Variants in TRPV5 observed in about 807,000 individuals in gnomAD.
TRPV5 encodes calcium transport protein 2.
A neutral mutation model predicts 74.1 loss-of-function variants in TRPV5; 66 were observed. The observed-to-expected ratio is 0.89, with a 90% CI of 0.73 to 1.09. TRPV5 has a LOEUF of 1.09. TRPV5 is among the 50% of genes least tolerant of loss of function. The pLI is 0.00. For missense variants in TRPV5, 936 were observed against 930.4 expected (o/e 1.01, Z -0.08); for synonymous variants, 399 against 360.7 (o/e 1.11, Z -1.20).
intron 8 of TRPV5, among the ~76,000 whole-genome samples, chr7:142,923,637 T>A (rs1795920105): frequency 6.6e-6 from 1 of 150,990 alleles, no homozygotes; most frequent in Non-Finnish European, 1.5e-5. Flanking sequence ...GCAGAAAGGG[T>A]AAAAATGCCA....
intron 11 of TRPV5, 65 bp from the exon 12 acceptor site, chr7:142,914,771 G>A (rs1300191272): frequency 1.0e-5 from 16 of 1,606,874 alleles, no homozygotes; most frequent in African/African-American, 5.4e-5. Flanking sequence ...AGCAGCTAAC[G>A]CTAACAGATC....
At chr7:142,933,226 AC>A in intron 1 of TRPV5, 105 bp downstream of exon 1, 1 of 1,427,822 alleles carries the variant, frequency 7.0e-7, no homozygotes, top group Non-Finnish European at 9.5e-7. Context: ...AGTGACTGGC[AC>A]TGACAATACA....
At chr7:142,912,841 T>TATC in intron 12 of TRPV5, 91 bp from the exon 13 acceptor site, 3 of 760,784 alleles carry the variant, frequency 3.9e-6, no homozygotes, top group South Asian at 3.8e-5. Flanking sequence ...ATCTCTGATC[T>TATC]ATCTATCTAT....
chr7:142,915,323 G>GC lies in TRPV5; in HGVS notation c.1269dup (p.Pro424AlafsTer102), dbSNP rs1554528796. The GC allele has an allele frequency of 6.2e-7, 1 of 1,608,736 alleles. No homozygotes were observed. Among genetic ancestry groups the GC allele is most frequent in the Non-Finnish European group, 8.5e-7 (1 of 1,178,698 alleles). On this transcript the variant is annotated frameshift_variant, in exon 10 of 15. Coordinates refer to ENST00000265310, the MANE Select transcript of TRPV5 (RefSeq NM_019841.7). LOFTEE classifies it high-confidence loss of function. ...GATACTCACATGATGACATGGAATG[G>GC]CCCCCCAAGAATCGTCTTTCCAAAA... is the stretch of plus-strand genomic sequence containing the variant.
rs1203394387 is a variant in TRPV5, at chr7:142,928,710, C to T, written c.743G>A (p.Gly248Glu). ...HQGLTPFKLA[G>E]VEGNTVMFQH... ...TCTTACCACAGTGTTACCCTCCACT[C>T]CAGCCAGCTTGAAGGGGGTGAGACC... Residue 248 changes from glycine (G) to glutamate (E), a missense_variant, in exon 6 of 15, where the codon GGA becomes GAA. Coordinates refer to ENST00000265310, the MANE Select transcript of TRPV5 (RefSeq NM_019841.7). The T allele has an allele frequency of 2.5e-6, 4 of 1,613,910 alleles. No individual in the cohort carries two copies. Among genetic ancestry groups the T allele is most frequent in the Non-Finnish European group, 3.4e-6 (4 of 1,179,886 alleles).
intron 7 of TRPV5, among the ~76,000 whole-genome samples, 188 bp from the exon 8 acceptor site, chr7:142,925,929 T>C (rs1447507596): frequency 1.3e-5 from 2 of 152,204 alleles, no homozygotes; most frequent in Non-Finnish European, 1.5e-5. Context: ...TAAATGACTA[T>C]AGCAGTAAAC....
chr7:142,919,187 T>C (rs1362614803), intron 8 of TRPV5, among the ~76,000 whole-genome samples: 1 of 152,166 alleles, frequency 6.6e-6, no homozygotes, highest in Admixed American at 6.5e-5. Context: ...GGGGCTGCTG[T>C]GTATTGACAG....
chr7:142,930,290 T>G lies in TRPV5; in HGVS notation c.226+59A>C. 1.9e-6 allele frequency: 3 copies of G among 1,610,574 alleles called. No individual in the cohort carries two copies. The Admixed American group carries it at 5.0e-5, about 27-fold the overall frequency. ...GCCCTATTTCACAAACTCGAAGTCT[T>G]GGGGAGGAGGAGTAGGTTCTTCTGC... On this transcript the variant is annotated intron_variant, in intron 2 of 14. Coordinates refer to ENST00000265310, the MANE Select transcript of TRPV5 (RefSeq NM_019841.7).
rs370422551 is a variant in TRPV5, at chr7:142,915,425, G to A, written c.1210-42C>T. On this transcript the variant is annotated intron_variant, in intron 9 of 14. Coordinates refer to ENST00000265310, the MANE Select transcript of TRPV5 (RefSeq NM_019841.7). ...AAAGCAAAAATACAATGTGGACTGC[G>A]GTACAGTCTGGGCCTTAGATGGGAT... is the stretch of plus-strand genomic sequence containing the variant. 38 of 1,610,902 alleles carry A rather than the reference G, an allele frequency of 2.4e-5. No homozygotes were observed. The African/African-American group carries it at 2.8e-4, about 12-fold the overall frequency.
Position 142,914,891 on chromosome 7 carries a change from A to T in TRPV5, c.1442T>A (p.Met481Lys). The T allele has an allele frequency of 6.2e-7, 1 of 1,614,152 alleles. No individual in the cohort carries two copies. The highest frequency in any genetic ancestry group is 1.1e-5 in the South Asian group (1 of 91,074). Reference protein sequence around the residue: ...GFQMLGPFTIMIQKMIFGDLM... With the variant: ...GFQMLGPFTIKIQKMIFGDLM... ...CGGGAAAGCACTGACCTTCTGGATCATGATGGTGAAGGGACCCAGCATCTG... is the reference window on the plus strand; with the variant it reads ...CGGGAAAGCACTGACCTTCTGGATCTTGATGGTGAAGGGACCCAGCATCTG... The change falls in exon 11 of 15, where the codon ATG (methionine) becomes AAG (lysine). Residue 481 changes from methionine (M) to lysine (K), a missense_variant. Coordinates refer to ENST00000265310, the MANE Select transcript of TRPV5 (RefSeq NM_019841.7).
rs545798060 is a variant in TRPV5, at chr7:142,915,022, C to T, written c.1311G>A (p.Leu437=). Reference sequence around the variant, plus strand: ...TGGTGAGCCGCATCACCATGGTCACCAGCACCAGGGAGGCATAGGTGATGC... The same window carrying T: ...TGGTGAGCCGCATCACCATGGTCACTAGCACCAGGGAGGCATAGGTGATGC... ...VIIITYASLV[L]VTMVMRLTNT... The change falls in exon 11 of 15, where the codon CTG becomes CTA. Residue 437 remains leucine (L), a synonymous_variant. Coordinates refer to ENST00000265310, the MANE Select transcript of TRPV5 (RefSeq NM_019841.7). The T allele has an allele frequency of 2.5e-6, 4 of 1,614,060 alleles. No individual in the cohort carries two copies. Among genetic ancestry groups the T allele is most frequent in the Non-Finnish European group, 3.4e-6 (4 of 1,179,992 alleles).
intron 4 of TRPV5, 89 bp from the exon 5 acceptor site, chr7:142,929,209 C>T (rs1031380174): frequency 8.5e-6 from 13 of 1,528,786 alleles, no homozygotes; most frequent in African/African-American, 1.4e-5. Context: ...TCCTCCTCAT[C>T]CCCCATATCT....
In TRPV5 at chr7:142,908,249, C is replaced by T. The variant is rs890365357; in HGVS notation, c.*265G>A. ...CCTGACATTAATCTAGCATCCCTGC[C>T]TCATGTCTTTAGTTGCCAACCTCCT... On this transcript the variant is annotated 3_prime_UTR_variant, in exon 15 of 15. Transcript: ENST00000265310. The T allele has an allele frequency of 3.6e-6, 2 of 556,198 alleles. No individual in the cohort carries two copies. The highest frequency in any genetic ancestry group is 4.7e-5 in the South Asian group (2 of 42,214). The allele number at this position is 556,198 out of a possible 1,614,324, so 34.5% of individuals were successfully genotyped here. A position where few individuals can be genotyped will look rare whatever the true frequency, so the allele number is the denominator to read the frequency against.
In TRPV5 at chr7:142,933,390, C is replaced by G; in HGVS notation, c.70G>C (p.Val24Leu). 6.2e-7 allele frequency: 1 copy of G among 1,614,134 alleles called. No individual in the cohort carries two copies. The highest frequency in any genetic ancestry group is 8.5e-7 in the Non-Finnish European group (1 of 1,180,032). The part of the protein sequence containing the change: ...QLQKLLPSFL[V>L]REQDWDQHLD... ...TGCTGGTCCCAGTCTTGTTCTCTGA[C>G]CAGAAAGGAGGGCAGAAGTTTCTGG... The change falls in exon 1 of 15, where the codon GTC (valine) becomes CTC (leucine). Residue 24 changes from valine to leucine, a missense_variant. Coordinates refer to ENST00000265310, the MANE Select transcript of TRPV5 (RefSeq NM_019841.7).
Position 142,915,398 on chromosome 7 carries a change from G to T in TRPV5, c.1210-15C>A. 1 of 1,607,690 alleles carries T rather than the reference G, an allele frequency of 6.2e-7. No homozygotes were observed. The highest frequency in any genetic ancestry group is 8.5e-7 in the Non-Finnish European group (1 of 1,178,282). On this transcript the variant is annotated splice_polypyrimidine_tract_variant and intron_variant, in intron 9 of 14. Coordinates refer to ENST00000265310, the MANE Select transcript of TRPV5 (RefSeq NM_019841.7). ...ATGTCTGGAATCTGGGGAGAGGACGGCAAAGCAAAAATACAATGTGGACTG... is the reference window on the plus strand; with the variant it reads ...ATGTCTGGAATCTGGGGAGAGGACGTCAAAGCAAAAATACAATGTGGACTG...
chr7:142,917,893 CA>C (rs1296524649), intron 8 of TRPV5, among the ~76,000 whole-genome samples: 4 of 152,092 alleles, frequency 2.6e-5, no homozygotes, highest in Non-Finnish European at 5.9e-5. Context: ...CTCTGGAAAA[CA>C]AAAACAATAT....
chr7:142,915,377 C>A lies in TRPV5; in HGVS notation c.1216G>T (p.Asp406Tyr), dbSNP rs199958658. 12 of 1,607,480 alleles carry A rather than the reference C, an allele frequency of 7.5e-6. No individual in the cohort carries two copies. The highest frequency in any genetic ancestry group is 1.7e-4 in the Middle Eastern group (1 of 6,006). The change falls in exon 10 of 15, where the codon GAC becomes TAC. Residue 406 changes from aspartate to tyrosine, a missense_variant. By Grantham distance (160) the Asp-to-Tyr change is radical. Transcript: ENST00000265310. ...AVIILLLEIP[D>Y]IFRVGASRYF... Reference sequence around the variant, plus strand: ...CGAGAGGCACCAACCCTGAAGATGTCTGGAATCTGGGGAGAGGACGGCAAA... The same window carrying A: ...CGAGAGGCACCAACCCTGAAGATGTATGGAATCTGGGGAGAGGACGGCAAA...
chr7:142,927,649 G>C (rs1796009994), intron 7 of TRPV5, among the ~76,000 whole-genome samples: 1 of 152,102 alleles, frequency 6.6e-6, no homozygotes, highest in Admixed American at 6.5e-5. Context: ...TAAACAACCG[G>C]ATCTTGTGAA....
intron 7 of TRPV5, among the ~76,000 whole-genome samples, chr7:142,927,769 G>C (rs1262934765): frequency 7.3e-6 from 1 of 137,732 alleles, no homozygotes; most frequent in African/African-American, 2.5e-5. Flanking sequence ...TGAAATTTTT[G>C]CATTTGGACA....
Sources: allele counts gnomAD v4.1 joint callset (sites outside exome capture counted in the v4.1 genomes callset), GRCh38; gene constraint gnomAD v4.1.1; transcripts MANE v1.5; gene names NCBI Gene and HGNC (gene_info 2026-07-23, HGNC 2026-07-21).